The following SEM1 variants were observed in gnomAD, a reference collection of about 807,000 sequenced individuals.
SEM1 encodes the protein 26S proteasome complex subunit SEM1.
SEM1 carries 3 observed loss-of-function variants against 12.7 expected under a neutral mutation model. That is an observed-to-expected ratio of 0.24 (90% CI 0.11 to 0.61). The LOEUF (loss-of-function observed/expected upper bound fraction) is 0.61, where lower values mean the gene tolerates loss of function less well. SEM1 is among the 20% of genes least tolerant of loss of function. The probability of loss-of-function intolerance (pLI) is 0.88; values close to 1 mark genes in which losing one functional copy is unlikely to be tolerated. For missense variants in SEM1, 59 were observed against 81.3 expected (o/e 0.73, Z 1.06); for synonymous variants, 30 against 27.8 (o/e 1.08, Z -0.25).
intron 2 of SEM1, among the ~76,000 whole-genome samples, chr7:96,581,742 G>T (rs1374365267): frequency 6.6e-6 from 1 of 151,934 alleles, no homozygotes; most frequent in Non-Finnish European, 1.5e-5. Flanking sequence ...AACTGTGAAT[G>T]GGAGTTCACT....
At chr7:96,490,221 G>A (rs935651409) in intron 1 of SEM1, among the ~76,000 whole-genome samples, 10 of 152,086 alleles carry the variant, frequency 6.6e-5, no homozygotes, top group Non-Finnish European at 1.5e-4. Flanking sequence ...TTAAAAGCTT[G>A]TTATAAACTA....
chr7:96,611,771 G>T (rs1448983512), intron 2 of SEM1, among the ~76,000 whole-genome samples: 1 of 152,132 alleles, frequency 6.6e-6, no homozygotes, highest in Admixed American at 6.5e-5. Context: ...TTATACTCAT[G>T]AACAACTCCT....
chr7:96,634,791 G>A (rs1016847716), intron 2 of SEM1, among the ~76,000 whole-genome samples: 1 of 151,840 alleles, frequency 6.6e-6, no homozygotes, highest in African/African-American at 2.4e-5. Context: ...GTATGGTGGA[G>A]AAGAGTAGGC....
At position 96,680,903 on chromosome 7, in the gene SEM1, G is replaced by C. The variant is rs1204329179; in HGVS notation, c.171-7044C>G. Reference sequence around the variant, plus strand: ...AGTTGGCTATTGCAATGCAACAGCAGTGAACAAAAAATCAGGCAGTATTGG... The same window carrying C: ...AGTTGGCTATTGCAATGCAACAGCACTGAACAAAAAATCAGGCAGTATTGG... On this transcript the variant is annotated intron_variant, in intron 2 of 2. Coordinates refer to the SEM1 transcript ENST00000413065. 2.0e-5 allele frequency among the ~76,000 whole-genome samples: 3 copies of C among 152,062 alleles called. No individual in the cohort carries two copies. The East Asian group carries it at 5.8e-4, about 29-fold the overall frequency.
At chr7:96,535,003 T>C (rs1324495395) in intron 2 of SEM1, among the ~76,000 whole-genome samples, 2 of 151,784 alleles carry the variant, frequency 1.3e-5, no homozygotes, top group East Asian at 1.9e-4. Context: ...AGCAAAGGAG[T>C]CCTAAGACCA....
At chr7:96,681,027 C>T (rs1789594770) in intron 2 of SEM1, among the ~76,000 whole-genome samples, 1 of 152,090 alleles carries the variant, frequency 6.6e-6, no homozygotes, top group Non-Finnish European at 1.5e-5. Flanking sequence ...GGAGGGCAAG[C>T]ATCCCAGGGA....
chr7:96,560,713 AT>A (rs1239712143), intron 2 of SEM1, among the ~76,000 whole-genome samples: 1 of 150,936 alleles, frequency 6.6e-6, no homozygotes, highest in Non-Finnish European at 1.5e-5. Context: ...TTTTTTTTTA[AT>A]TGTATTTTAA....
Position 96,496,008 on chromosome 7 carries a change from T to A in SEM1, c.12+276A>T, listed in dbSNP as rs189617018. On this transcript the variant is annotated intron_variant, in intron 1 of 3. Transcript: ENST00000356686. ...GAAAACAGCCGCAGGCCTCTCTGTTTGCTGTCATTTCATTGTACAAACAGA... is the reference window on the plus strand; with the variant it reads ...GAAAACAGCCGCAGGCCTCTCTGTTAGCTGTCATTTCATTGTACAAACAGA... 2.2e-3 allele frequency among the ~76,000 whole-genome samples: 339 copies of A among 152,276 alleles called. 10 individuals are homozygous for A. The highest frequency in any genetic ancestry group is 0.022 in the Admixed American group (334 of 15,280).
chr7:96,555,219 C>A (rs2115871614), intron 2 of SEM1, among the ~76,000 whole-genome samples: 1 of 152,066 alleles, frequency 6.6e-6, no homozygotes, highest in Non-Finnish European at 1.5e-5. Context: ...TTAGTTATTT[C>A]TTGCCTTCTG....
At chr7:96,596,689 A>C (rs1384340734) in intron 2 of SEM1, among the ~76,000 whole-genome samples, 1 of 152,154 alleles carries the variant, frequency 6.6e-6, no homozygotes, top group Non-Finnish European at 1.5e-5. Flanking sequence ...CACATGGAAC[A>C]CACTCAGAAG....
chr7:96,537,635 A>G (rs1804826997), intron 2 of SEM1, among the ~76,000 whole-genome samples: 2 of 151,530 alleles, frequency 1.3e-5, no homozygotes, highest in South Asian at 4.2e-4. Context: ...TTATTCCTCT[A>G]TAGTCCAGTG....
At chr7:96,504,432 T>A (rs994286704) in intron 3 of SEM1, among the ~76,000 whole-genome samples, 12 of 152,136 alleles carry the variant, frequency 7.9e-5, no homozygotes, top group Admixed American at 2.0e-4. Context: ...TAAAATAGTA[T>A]AACAAATCCC....
At chr7:96,641,082 T>A (rs957949779) in intron 2 of SEM1, among the ~76,000 whole-genome samples, 6 of 151,778 alleles carry the variant, frequency 4.0e-5, no homozygotes, top group Non-Finnish European at 7.4e-5. Context: ...TTCCTAAAAA[T>A]TTTTCAATTT....
In SEM1 at chr7:96,692,169, A is replaced by C. The variant is rs114387050; in HGVS notation, c.170+2629T>G. Among the ~76,000 whole-genome samples, 524 of 152,316 alleles carry C rather than the reference A, an allele frequency of 3.4e-3. 4 individuals carry two copies. The highest frequency in any genetic ancestry group is 0.012 in the African/African-American group (504 of 41,578). Reference sequence around the variant, plus strand: ...TCTATTTCTAAAGCAATAAAAAGGCAACATGTAATGATGTGAAATCTAATT... The same window carrying C: ...TCTATTTCTAAAGCAATAAAAAGGCCACATGTAATGATGTGAAATCTAATT... On this transcript the variant is annotated intron_variant, in intron 2 of 2. Coordinates refer to ENST00000248566, the MANE Select transcript of SEM1 (RefSeq NM_006304.2).
chr7:96,561,491 C>T (rs6961162), intron 2 of SEM1, among the ~76,000 whole-genome samples: 83,173 of 152,042 alleles, frequency 0.55, 25,744 homozygotes, highest in Non-Finnish European at 0.69. Context: ...GGCAGAGGCT[C>T]TCAAACCTTC....
At chr7:96,667,411 T>C (rs377001394) in intron 2 of SEM1, among the ~76,000 whole-genome samples, 1 of 152,152 alleles carries the variant, frequency 6.6e-6, no homozygotes, top group Non-Finnish European at 1.5e-5. Flanking sequence ...TCAAATGGGG[T>C]AATTTTTCCT....
At chr7:96,583,819 T>G (rs1427225410) in intron 2 of SEM1, among the ~76,000 whole-genome samples, 2 of 150,634 alleles carry the variant, frequency 1.3e-5, no homozygotes, top group African/African-American at 2.4e-5. Flanking sequence ...GTTTTCCATT[T>G]GCTTGGTAGA....
chr7:96,522,176 C>A (rs575012062), intron 2 of SEM1, among the ~76,000 whole-genome samples: 1 of 151,946 alleles, frequency 6.6e-6, no homozygotes, highest in South Asian at 2.1e-4. Flanking sequence ...ACGTGTAGTT[C>A]CTGGGACATC....
intron 2 of SEM1, among the ~76,000 whole-genome samples, chr7:96,524,200 C>T (rs1163263771): frequency 6.6e-6 from 1 of 152,160 alleles, no homozygotes; most frequent in African/African-American, 2.4e-5. Flanking sequence ...TGAAGCATTT[C>T]TACATCCGCC....
Sources: gnomAD v4.1 joint callset for allele counts (sites outside exome capture counted in the v4.1 genomes callset) on GRCh38, gnomAD v4.1.1 for gene constraint, MANE v1.5 for transcripts, NCBI Gene and HGNC (gene_info 2026-07-23, HGNC 2026-07-21) for gene names.